TTC21B: variants seen among roughly 807,000 people sequenced by gnomAD.
The protein encoded by TTC21B is tetratricopeptide repeat protein 21B.
A neutral mutation model predicts 175.1 loss-of-function variants in TTC21B; 127 were observed. The ratio of observed to expected loss-of-function variants is 0.73; its 90% CI spans 0.63 to 0.84. The LOEUF is 0.84. Among genes scored for constraint, TTC21B ranks in the 40% least tolerant of loss-of-function variants. TTC21B has a pLI of 0.00. For synonymous variants in TTC21B, 524 were observed against 524.5 expected, an observed-to-expected ratio of 1.00 and a Z score of 0.01; for missense variants, 1,561 against 1,558.3, an observed-to-expected ratio of 1.00 and a Z score of -0.03.
At chr2:165,934,591 A>G (rs1453576633) in intron 6 of TTC21B, 5 of 81,882 alleles carry the variant, frequency 6.1e-5, no homozygotes, top group Non-Finnish European at 1.2e-4. Flanking sequence ...CTGAGGAGAG[A>G]ATAGGCTCAC....
chr2:165,924,812 T>G lies in TTC21B; in HGVS notation c.1387-134A>C, dbSNP rs1330759521. ...AAAATTTCTTTGATTTAACTTATTT[T>G]GTAATACCTTTATTATGACTTAACT... On this transcript the variant is annotated intron_variant, in intron 11 of 28. Coordinates refer to ENST00000243344, the MANE Select transcript of TTC21B (RefSeq NM_024753.5). The G allele has an allele frequency of 2.6e-5, 24 of 927,814 alleles. No individual in the cohort carries two copies. In the East Asian group the frequency reaches 6.9e-4, roughly 27 times the overall value. The allele number at this position is 927,814 out of a possible 1,614,324, so 57.5% of individuals were successfully genotyped here.
At chr2:165,943,548 A>C (rs947112429) in intron 4 of TTC21B, among the ~76,000 whole-genome samples, 1 of 152,164 alleles carries the variant, frequency 6.6e-6, no homozygotes, top group Non-Finnish European at 1.5e-5. Flanking sequence ...TTCAGCCTTT[A>C]ACATTACTAT....
chr2:165,880,594 T>C (rs977096478), intron 27 of TTC21B, 85 bp downstream of exon 27: 269 of 1,468,524 alleles, frequency 1.8e-4, no homozygotes, highest in Non-Finnish European at 2.4e-4. Flanking sequence ...TATTTTGTTT[T>C]GAAAAAAATC....
Position 165,874,670 on chromosome 2 carries a change from A to G in TTC21B, c.*85T>C. On this transcript the variant is annotated 3_prime_UTR_variant, in exon 29 of 29. Transcript: ENST00000243344. Reference sequence around the variant, plus strand: ...GTATACTTCTAATAACAAAGCACTGAGCTCAAACCTGTTTTGAACAGGAAG... The same window carrying G: ...GTATACTTCTAATAACAAAGCACTGGGCTCAAACCTGTTTTGAACAGGAAG... 8.0e-7 allele frequency: 1 copy of G among 1,250,378 alleles called. No individual in the cohort carries two copies. Among genetic ancestry groups the G allele is most frequent in the South Asian group, 1.2e-5 (1 of 82,338 alleles). 77.5% of individuals were successfully genotyped at this position (1,250,378 alleles called of 1,614,324 possible).
At chr2:165,888,515 A>G (rs1444184780) in intron 24 of TTC21B, 41 bp from the exon 25 acceptor site, 1 of 1,464,030 alleles carries the variant, frequency 6.8e-7, no homozygotes. Flanking sequence ...TCTCTTACTC[A>G]TGATACAATT....
At chr2:165,902,648 T>A (rs1412013750) in intron 19 of TTC21B, among the ~76,000 whole-genome samples, 1 of 152,250 alleles carries the variant, frequency 6.6e-6, no homozygotes, top group East Asian at 1.9e-4. Flanking sequence ...TTGGTTATAT[T>A]AATATGTGTT....
intron 18 of TTC21B, among the ~76,000 whole-genome samples, chr2:165,908,880 T>C (rs997096817): frequency 6.6e-6 from 1 of 152,098 alleles, no homozygotes; most frequent in Admixed American, 6.5e-5. Flanking sequence ...ATCTGACAAA[T>C]CCATGCATAT....
At chr2:165,919,463 T>C in intron 12 of TTC21B, 30 bp from the exon 13 acceptor site, 1 of 1,607,940 alleles carries the variant, frequency 6.2e-7, no homozygotes, top group Non-Finnish European at 8.5e-7. Context: ...ATTGTTATAA[T>C]TCAAATGATT....
intron 22 of TTC21B, among the ~76,000 whole-genome samples, chr2:165,892,976 T>C (rs1685245512): frequency 1.3e-5 from 2 of 152,208 alleles, no homozygotes; most frequent in Non-Finnish European, 2.9e-5. Flanking sequence ...GCTGATAGTA[T>C]CATTTGTCCC....
intron 18 of TTC21B, 29 bp downstream of exon 18, chr2:165,911,297 AC>A: frequency 2.5e-6 from 4 of 1,613,284 alleles, no homozygotes; most frequent in Non-Finnish European, 3.4e-6. Context: ...GAGTTATCAG[AC>A]TTTTTTCAAA....
Position 165,941,072 on chromosome 2 carries a change from T to C in TTC21B, c.665A>G (p.Gln222Arg), listed in dbSNP as rs80026831. The C allele has an allele frequency of 6.2e-7, 1 of 1,613,962 alleles. No individual in the cohort carries two copies. The highest frequency in any genetic ancestry group is 8.5e-7 in the Non-Finnish European group (1 of 1,179,892). The change falls in exon 6 of 29, where the codon CAA becomes CGA. Residue 222 changes from glutamine to arginine, a missense_variant. By Grantham distance (43) the Gln-to-Arg change is conservative (BLOSUM62 1). Coordinates refer to ENST00000243344, the MANE Select transcript of TTC21B (RefSeq NM_024753.5). The stretch of plus-strand genomic sequence containing the variant: ...CTGGTCCCAATCCTGCAAGGCTAGT[T>C]GTAATTTCATTTTCTTAACAAAAGC... ...LPAFVKKMKL[Q>R]LALQDWDQTV...
At chr2:165,916,799 GA>G (rs1489768270) in intron 14 of TTC21B, among the ~76,000 whole-genome samples, 2 of 152,236 alleles carry the variant, frequency 1.3e-5, no homozygotes, top group East Asian at 3.9e-4. Flanking sequence ...GGGCTTACAG[GA>G]AGTTTATTTT....
chr2:165,892,732 G>T (rs1200297820), intron 22 of TTC21B, among the ~76,000 whole-genome samples: 1 of 152,132 alleles, frequency 6.6e-6, no homozygotes, highest in African/African-American at 2.4e-5. Flanking sequence ...GAGGAACGAG[G>T]AACTGGTGTA....
intron 11 of TTC21B, 35 bp downstream of exon 11, chr2:165,929,100 A>G (rs1365860208): frequency 6.3e-7 from 1 of 1,581,808 alleles, no homozygotes. Flanking sequence ...CATCAAGTAA[A>G]CGCATCCTTG....
chr2:165,891,615 A>ATTCC (rs1422200076), intron 22 of TTC21B, among the ~76,000 whole-genome samples: 2 of 133,420 alleles, frequency 1.5e-5, no homozygotes. Flanking sequence ...TCATTCATTC[A>ATTCC]TTCCTTTGAT....
rs527988666 is a variant in TTC21B at position 165,916,642 on chromosome 2, A to T, written c.1899+615T>A. On this transcript the variant is annotated intron_variant, in intron 14 of 28. Transcript: ENST00000243344. ...TGTGTTTATGTGTATAAATCTTTTT[A>T]GAGATTCATAGGATTATAACTGCAT... Among the ~76,000 whole-genome samples, 11 of 152,216 alleles carry T rather than the reference A, an allele frequency of 7.2e-5. 1 individual carries two copies. The East Asian group carries it at 2.1e-3, about 29-fold the overall frequency.
chr2:165,901,273 T>G (rs1345649286), intron 20 of TTC21B, among the ~76,000 whole-genome samples: 4 of 152,134 alleles, frequency 2.6e-5, no homozygotes, highest in African/African-American at 9.7e-5. Context: ...ATATTAATCT[T>G]TTAACTTGTA....
intron 22 of TTC21B, among the ~76,000 whole-genome samples, chr2:165,895,000 G>T (rs915327972): frequency 1.3e-5 from 2 of 151,996 alleles, no homozygotes; most frequent in African/African-American, 4.8e-5. Context: ...TTTGCTCCGA[G>T]GCAAATCTAG....
intron 19 of TTC21B, among the ~76,000 whole-genome samples, chr2:165,906,228 T>C (rs982120746): frequency 8.1e-6 from 1 of 123,506 alleles, no homozygotes; most frequent in Non-Finnish European, 1.6e-5. Context: ...TCGAAATCCA[T>C]TACCTAACAT....
Sources: allele counts gnomAD v4.1 joint callset (sites outside exome capture counted in the v4.1 genomes callset), GRCh38; gene constraint gnomAD v4.1.1; transcripts MANE v1.5; gene names NCBI Gene and HGNC (gene_info 2026-07-23, HGNC 2026-07-21).